NLGN1: variants seen among roughly 807,000 people sequenced by gnomAD.
The protein encoded by NLGN1 is neuroligin-1.
Under a neutral mutation model 65.5 loss-of-function variants are expected in NLGN1, and 12 were observed. The observed-to-expected ratio is 0.18, with a 90% CI of 0.12 to 0.30. The LOEUF (loss-of-function observed/expected upper bound fraction) is 0.30, where lower values mean the gene tolerates loss of function less well. NLGN1 is among the 10% of genes least tolerant of loss of function. The pLI is 1.00. For synonymous variants in NLGN1, 350 were observed against 359.5 expected, an observed-to-expected ratio of 0.97 and a Z score of 0.30; for missense variants, 750 against 1,007.1, an observed-to-expected ratio of 0.74 and a Z score of 3.46.
chr3:174,015,567 G>A (rs1234393891), intron 4 of NLGN1, among the ~76,000 whole-genome samples: 2 of 152,156 alleles, frequency 1.3e-5, no homozygotes, highest in African/African-American at 4.8e-5. Flanking sequence ...ACATATGAAT[G>A]TTGGGGGAAC....
chr3:173,586,627 T>C (rs554498399), intron 2 of NLGN1, among the ~76,000 whole-genome samples: 4 of 152,240 alleles, frequency 2.6e-5, no homozygotes, highest in Admixed American at 2.6e-4. Flanking sequence ...AGACGTTGTG[T>C]AGGCTTATTT....
intron 4 of NLGN1, among the ~76,000 whole-genome samples, chr3:173,970,951 C>T (rs564385850): frequency 3.9e-5 from 6 of 152,014 alleles, no homozygotes; most frequent in East Asian, 1.9e-4. Flanking sequence ...GTGTTTTAGA[C>T]GTGTTAAATT....
At chr3:173,855,347 T>G (rs757518091) in intron 4 of NLGN1, among the ~76,000 whole-genome samples, 16 of 152,142 alleles carry the variant, frequency 1.1e-4, no homozygotes, top group Non-Finnish European at 2.4e-4. Flanking sequence ...CTTTAAAATA[T>G]TTTAACTTTT....
At chr3:174,071,878 C>T (rs967154626) in intron 4 of NLGN1, among the ~76,000 whole-genome samples, 3 of 152,078 alleles carry the variant, frequency 2.0e-5, no homozygotes, top group Non-Finnish European at 2.9e-5. Flanking sequence ...AATATAGAGA[C>T]AATGGTTTGC....
chr3:174,074,446 A>G (rs981926), intron 4 of NLGN1, among the ~76,000 whole-genome samples: 27,989 of 152,104 alleles, frequency 0.18, 2,696 homozygotes, highest in African/African-American at 0.26. Flanking sequence ...ACTGTTCTTT[A>G]TAGTAATGAC....
chr3:173,999,326 A>G, intron 4 of NLGN1, among the ~76,000 whole-genome samples: 1 of 152,132 alleles, frequency 6.6e-6, no homozygotes, highest in East Asian at 1.9e-4. Context: ...AAGCTTTGAG[A>G]TGATATTTTT....
intron 4 of NLGN1, among the ~76,000 whole-genome samples, chr3:174,065,618 G>A (rs1390263321): frequency 6.6e-6 from 1 of 151,442 alleles, no homozygotes; most frequent in Non-Finnish European, 1.5e-5. Context: ...TCTTGTGTGT[G>A]TAGATACTTC....
chr3:173,443,018 G>C (rs1719482754), intron 2 of NLGN1, among the ~76,000 whole-genome samples: 1 of 152,030 alleles, frequency 6.6e-6, no homozygotes. Context: ...GAACACTTGT[G>C]TCAGCAGTCT....
chr3:174,134,533 AG>A (rs1437271799), intron 4 of NLGN1, among the ~76,000 whole-genome samples: 1 of 152,194 alleles, frequency 6.6e-6, no homozygotes, highest in Non-Finnish European at 1.5e-5. Context: ...GTCCCCTTCC[AG>A]ACTTTATACT....
At chr3:174,277,486 A>C (rs528899545) in intron 5 of NLGN1, among the ~76,000 whole-genome samples, 2 of 152,072 alleles carry the variant, frequency 1.3e-5, no homozygotes, top group East Asian at 3.9e-4. Flanking sequence ...GAGATGGGAA[A>C]TAATATTATA....
chr3:173,676,373 C>A (rs1763174949), intron 3 of NLGN1, among the ~76,000 whole-genome samples: 1 of 152,036 alleles, frequency 6.6e-6, no homozygotes, highest in Admixed American at 6.6e-5. Flanking sequence ...CTGCTATATT[C>A]CAAATCAGTT....
chr3:174,003,996 A>C (rs183947011), intron 4 of NLGN1, among the ~76,000 whole-genome samples: 1 of 152,138 alleles, frequency 6.6e-6, no homozygotes, highest in Non-Finnish European at 1.5e-5. Context: ...AAACTTTATA[A>C]GTGAGTTAAA....
chr3:173,909,227 A>G (rs1412218767), intron 4 of NLGN1, among the ~76,000 whole-genome samples: 1 of 151,844 alleles, frequency 6.6e-6, no homozygotes. Flanking sequence ...AGTTAAGATA[A>G]AAAAAAAGCC....
intron 3 of NLGN1, among the ~76,000 whole-genome samples, chr3:173,797,690 C>CAAAAA (rs1484752949): frequency 5.9e-5 from 3 of 50,794 alleles, no homozygotes; most frequent in African/African-American, 1.9e-4. Context: ...AAAACAACAA[C>CAAAAA]AACAACAACA....
chr3:173,818,003 C>A (rs1719385211), intron 4 of NLGN1, among the ~76,000 whole-genome samples: 1 of 152,140 alleles, frequency 6.6e-6, no homozygotes, highest in African/African-American at 2.4e-5. Context: ...ACAACCATTT[C>A]CAGGTATTGA....
chr3:173,713,267 A>G (rs1769294454), intron 3 of NLGN1, among the ~76,000 whole-genome samples: 1 of 152,178 alleles, frequency 6.6e-6, no homozygotes, highest in Admixed American at 6.5e-5. Flanking sequence ...AAAACTAAAA[A>G]CAAATGAGTA....
chr3:173,769,118 C>A (rs940767229), intron 3 of NLGN1, among the ~76,000 whole-genome samples: 5 of 152,020 alleles, frequency 3.3e-5, no homozygotes, highest in Non-Finnish European at 7.4e-5. Context: ...TCTTCAGGGC[C>A]CAGAAAGTCC....
chr3:173,730,631 CTTGA>C (rs1349563407), intron 3 of NLGN1, among the ~76,000 whole-genome samples: 1 of 151,964 alleles, frequency 6.6e-6, no homozygotes, highest in African/African-American at 2.4e-5. Context: ...TATCTAATGC[CTTGA>C]TTGTTTGCCT....
At chr3:173,915,255 TCG>T (rs1740497422) in intron 4 of NLGN1, among the ~76,000 whole-genome samples, 1 of 152,200 alleles carries the variant, frequency 6.6e-6, no homozygotes, top group Non-Finnish European at 1.5e-5. Context: ...TCGATGAAAA[TCG>T]ATTTCCTATT....
Sources: allele counts gnomAD v4.1 joint callset (sites outside exome capture counted in the v4.1 genomes callset), GRCh38; gene constraint gnomAD v4.1.1; transcripts MANE v1.5; gene names NCBI Gene and HGNC (gene_info 2026-07-23, HGNC 2026-07-21).